C16orf89: variants seen among roughly 807,000 people sequenced by gnomAD.
The protein encoded by C16orf89 is UPF0764 protein C16orf89.
C16orf89 carries 57 observed loss-of-function variants against 41.5 expected under a neutral mutation model. The observed-to-expected ratio is 1.38, with a 90% CI of 1.11 to 1.71. The LOEUF (loss-of-function observed/expected upper bound fraction) is 1.71, where lower values mean the gene tolerates loss of function less well. Ranked by LOEUF, C16orf89 falls within the 40% of genes most tolerant of loss-of-function variation. The pLI is 0.00. For synonymous variants in C16orf89, 223 were observed against 190.6 expected, an observed-to-expected ratio of 1.17 and a Z score of -1.40; for missense variants, 575 against 445.9, an observed-to-expected ratio of 1.29 and a Z score of -2.61.
intron 6 of C16orf89, among the ~76,000 whole-genome samples, chr16:5,048,372 G>A (rs1341557418): frequency 6.6e-6 from 1 of 152,088 alleles, no homozygotes; most frequent in Non-Finnish European, 1.5e-5. Flanking sequence ...TAAACCTCCT[G>A]CCCCCATAAC....
chr16:5,051,461 A>T (rs1956395775), intron 6 of C16orf89, among the ~76,000 whole-genome samples: 1 of 152,204 alleles, frequency 6.6e-6, no homozygotes, highest in African/African-American at 2.4e-5. Flanking sequence ...TAAGAGCTAA[A>T]ACCAAAATAC....
intron 6 of C16orf89, among the ~76,000 whole-genome samples, chr16:5,048,660 A>G (rs190884606): frequency 1.3e-5 from 2 of 149,502 alleles, no homozygotes; most frequent in East Asian, 3.9e-4. Flanking sequence ...GAAAAAGACA[A>G]TAATAACTAT....
At chr16:5,064,032 A>T (rs137891879) in intron 1 of C16orf89, among the ~76,000 whole-genome samples, 1,730 of 152,248 alleles carry the variant, frequency 0.011, 35 homozygotes, top group African/African-American at 0.039. Context: ...GAGGCTGAGC[A>T]GGAGAATCGC....
At chr16:5,044,634 G>A (rs979031459) in intron 7 of C16orf89, 156 bp from the exon 8 acceptor site, 1 of 1,388,622 alleles carries the variant, frequency 7.2e-7, no homozygotes, top group Non-Finnish European at 9.8e-7. Flanking sequence ...TTGAGATCAG[G>A]AGTTCGAGAC....
downstream of C16orf89, chr16:5,043,999 TAA>T (rs35753287): frequency 0.029 from 10,968 of 371,900 alleles, no homozygotes; most frequent in Non-Finnish European, 0.036. Flanking sequence ...ATCTATTAAT[TAA>T]AAAAAAAAAA....
At chr16:5,049,575 GA>G (rs1247497244) in intron 6 of C16orf89, among the ~76,000 whole-genome samples, 2 of 152,100 alleles carry the variant, frequency 1.3e-5, no homozygotes, top group African/African-American at 2.4e-5. Flanking sequence ...CAAATACAGG[GA>G]AATTAAACAA....
chr16:5,054,922 A>T (rs1169769397), intron 6 of C16orf89, among the ~76,000 whole-genome samples: 1 of 151,212 alleles, frequency 6.6e-6, no homozygotes, highest in East Asian at 1.9e-4. Flanking sequence ...AGTCCATTAA[A>T]CCTCTTTTTC....
Position 5,051,013 on chromosome 16 carries a change from A to G in C16orf89, c.869-3049T>C, listed in dbSNP as rs531167780. On this transcript the variant is annotated intron_variant, in intron 6 of 7. Coordinates refer to ENST00000472572, the MANE Select transcript of C16orf89 (RefSeq NM_001098514.3). ...TGATGAAATTTAACATCCCTTCATG[A>G]TAAATCTCTCAATACGTTAGGTATA... is the stretch of plus-strand genomic sequence containing the variant. 1.8e-4 allele frequency among the ~76,000 whole-genome samples: 27 copies of G among 152,330 alleles called. No individual in the cohort carries two copies. In the South Asian group the frequency reaches 4.8e-3, roughly 27 times the overall value.
intron 1 of C16orf89, among the ~76,000 whole-genome samples, chr16:5,063,719 G>A (rs1021314492): frequency 4.6e-5 from 7 of 152,184 alleles, no homozygotes; most frequent in Admixed American, 1.3e-4. Flanking sequence ...ATCTGAGACC[G>A]TCTCCTATCA....
chr16:5,061,503 A>AAAAAGAC (rs1567159538), intron 2 of C16orf89, among the ~76,000 whole-genome samples: 1 of 4,890 alleles, frequency 2.0e-4, no homozygotes, highest in Non-Finnish European at 7.5e-4. Flanking sequence ...AAAAAAAAAA[A>AAAAAGAC]ACCCCCCCAA....
intron 6 of C16orf89, among the ~76,000 whole-genome samples, chr16:5,049,072 C>T (rs1289268794): frequency 6.6e-6 from 1 of 152,122 alleles, no homozygotes; most frequent in Non-Finnish European, 1.5e-5. Context: ...AGTAGCTATA[C>T]TTAGATAAAA....
chr16:5,058,222 G>A (rs1418792934), intron 4 of C16orf89, among the ~76,000 whole-genome samples: 3 of 151,796 alleles, frequency 2.0e-5, no homozygotes, highest in Non-Finnish European at 4.4e-5. Flanking sequence ...CGCCTCCCGG[G>A]TTCCAGTGAT....
intron 6 of C16orf89, among the ~76,000 whole-genome samples, chr16:5,053,117 C>G (rs781122307): frequency 1.3e-5 from 2 of 152,132 alleles, no homozygotes; most frequent in Non-Finnish European, 2.9e-5. Context: ...TGCCTGTAAT[C>G]CCAGCACTTT....
chr16:5,046,652 A>G (rs955585717), intron 7 of C16orf89, among the ~76,000 whole-genome samples: 1 of 152,102 alleles, frequency 6.6e-6, no homozygotes, highest in East Asian at 1.9e-4. Flanking sequence ...TGGCTGTCCT[A>G]TTTATTTTTT....
chr16:5,063,559 C>T (rs2142679732), intron 1 of C16orf89, among the ~76,000 whole-genome samples: 1 of 152,298 alleles, frequency 6.6e-6, no homozygotes, highest in Non-Finnish European at 1.5e-5. Context: ...TACAGCCACT[C>T]CCCATCATTC....
rs746695746 is a variant in C16orf89 at position 5,065,700 on chromosome 16, C to T, written c.208+1G>A. Reference sequence around the variant, plus strand: ...AGCCAGAGGAATTGGGGCTCACTCACCTTCCAGCACTCGGACCCCCACCAT... The same window carrying T: ...AGCCAGAGGAATTGGGGCTCACTCATCTTCCAGCACTCGGACCCCCACCAT... On this transcript the variant is annotated splice_donor_variant, in intron 1 of 7. Coordinates refer to ENST00000472572, the MANE Select transcript of C16orf89 (RefSeq NM_001098514.3). LOFTEE classifies it high-confidence loss of function. 2.5e-6 allele frequency: 4 copies of T among 1,611,520 alleles called. No individual in the cohort carries two copies. Among genetic ancestry groups the T allele is most frequent in the African/African-American group, 2.7e-5 (2 of 74,872 alleles).
At chr16:5,056,000 T>TGTGTGTGTGTGTGTGTGTGTGTGTG (rs1956493569) in intron 5 of C16orf89, 53 bp downstream of exon 5, 1 of 1,102,872 alleles carries the variant, frequency 9.1e-7, no homozygotes, top group Non-Finnish European at 1.2e-6. Flanking sequence ...TGTGTGTGTG[T>TGTGTGTGTGTGTGTGTGTGTGTGTG]TGGTGGGGGG....
intron 7 of C16orf89, chr16:5,044,860 C>G (rs1956266985): frequency 8.0e-7 from 1 of 1,255,876 alleles, no homozygotes; most frequent in South Asian, 1.3e-5. Context: ...AAAAAAAGTG[C>G]TTTTCAGATG....
intron 1 of C16orf89, among the ~76,000 whole-genome samples, chr16:5,063,747 C>A (rs1227523432): frequency 6.6e-6 from 1 of 152,204 alleles, no homozygotes; most frequent in Non-Finnish European, 1.5e-5. Flanking sequence ...ACGGGATTAT[C>A]TACTTGCAGG....
Sources: allele counts gnomAD v4.1 joint callset (sites outside exome capture counted in the v4.1 genomes callset), GRCh38; gene constraint gnomAD v4.1.1; transcripts MANE v1.5; gene names NCBI Gene and HGNC (gene_info 2026-07-23, HGNC 2026-07-21).